The following PPP1R9A variants were observed in gnomAD, a reference collection of about 807,000 sequenced individuals.
The protein encoded by PPP1R9A is protein phosphatase 1 regulatory subunit 9A, also known as neurabin-1.
Under a neutral mutation model 141.9 loss-of-function variants are expected in PPP1R9A, and 59 were observed. The observed-to-expected ratio is 0.42, with a 90% CI of 0.34 to 0.52. The LOEUF (loss-of-function observed/expected upper bound fraction) is 0.52. Ranked by LOEUF, PPP1R9A falls within the 20% of genes least tolerant of loss-of-function variation. The probability of loss-of-function intolerance (pLI) is 0.10; values close to 1 mark genes in which losing one functional copy is unlikely to be tolerated. For synonymous variants in PPP1R9A, 500 were observed against 569.7 expected, an observed-to-expected ratio of 0.88 and a Z score of 1.74; for missense variants, 1,444 against 1,611.9, an observed-to-expected ratio of 0.90 and a Z score of 1.78.
intron 5 of PPP1R9A, among the ~76,000 whole-genome samples, chr7:95,174,484 C>G (rs1474914382): frequency 6.6e-6 from 1 of 152,040 alleles, no homozygotes; most frequent in African/African-American, 2.4e-5. Context: ...TCAGATTATA[C>G]AACTTAAATT....
intron 2 of PPP1R9A, among the ~76,000 whole-genome samples, chr7:94,931,868 G>A (rs767367025): frequency 4.6e-5 from 7 of 152,130 alleles, no homozygotes; most frequent in African/African-American, 7.2e-5. Context: ...GTGAGCCACC[G>A]TGCCCGACTG....
intron 2 of PPP1R9A, among the ~76,000 whole-genome samples, chr7:94,934,763 G>T (rs891876083): frequency 6.8e-6 from 1 of 147,088 alleles, no homozygotes; most frequent in Non-Finnish European, 1.5e-5. Flanking sequence ...ATATATATGT[G>T]TATATATTTG....
chr7:94,930,462 C>T (rs988269500), intron 2 of PPP1R9A, among the ~76,000 whole-genome samples: 1 of 152,098 alleles, frequency 6.6e-6, no homozygotes, highest in African/African-American at 2.4e-5. Context: ...CTCAGCCTCC[C>T]AAGTAGCTGG....
At chr7:95,139,810 TAA>T (rs1177269547) in intron 4 of PPP1R9A, among the ~76,000 whole-genome samples, 12 of 95,278 alleles carry the variant, frequency 1.3e-4, no homozygotes, top group South Asian at 3.2e-4. Flanking sequence ...AGCAAAACAT[TAA>T]AAAAAAAAAA....
At chr7:94,979,652 G>A (rs1479280659) in intron 2 of PPP1R9A, among the ~76,000 whole-genome samples, 1 of 152,198 alleles carries the variant, frequency 6.6e-6, no homozygotes, top group Non-Finnish European at 1.5e-5. Flanking sequence ...AATGAGGCAA[G>A]TGTCATTATT....
intron 14 of PPP1R9A, among the ~76,000 whole-genome samples, chr7:95,271,126 G>A (rs1460204490): frequency 6.6e-6 from 1 of 152,272 alleles, no homozygotes; most frequent in South Asian, 2.1e-4. Context: ...AAGGTACAAG[G>A]CTATCCCAGC....
chr7:95,037,518 A>T (rs1222783891), intron 2 of PPP1R9A, among the ~76,000 whole-genome samples: 3 of 152,172 alleles, frequency 2.0e-5, no homozygotes, highest in African/African-American at 7.2e-5. Flanking sequence ...GAGTTAAATA[A>T]TCAACTTAGT....
intron 2 of PPP1R9A, among the ~76,000 whole-genome samples, chr7:94,928,019 C>T (rs1793694785): frequency 6.6e-6 from 1 of 152,142 alleles, no homozygotes; most frequent in South Asian, 2.1e-4. Context: ...GTACACATGT[C>T]AACTTTGATA....
At chr7:95,241,079 C>T (rs1038034571) in intron 8 of PPP1R9A, among the ~76,000 whole-genome samples, 1 of 152,112 alleles carries the variant, frequency 6.6e-6, no homozygotes, top group African/African-American at 2.4e-5. Context: ...GGGCAATTCT[C>T]TGTACTAAGG....
intron 2 of PPP1R9A, among the ~76,000 whole-genome samples, chr7:94,997,536 T>A (rs1802351451): frequency 6.6e-6 from 1 of 152,160 alleles, no homozygotes; most frequent in Non-Finnish European, 1.5e-5. Flanking sequence ...GATGTAACAC[T>A]CTGCTCAGTG....
chr7:95,137,881 GAA>G (rs987248530), intron 4 of PPP1R9A, among the ~76,000 whole-genome samples: 25 of 150,096 alleles, frequency 1.7e-4, no homozygotes, highest in African/African-American at 5.8e-4. Flanking sequence ...CAATGTAATA[GAA>G]AAAAAGTCAG....
intron 4 of PPP1R9A, among the ~76,000 whole-genome samples, chr7:95,141,535 C>T (rs974735762): frequency 5.3e-5 from 8 of 152,162 alleles, no homozygotes; most frequent in Non-Finnish European, 1.2e-4. Context: ...CTCTCCTCTC[C>T]CTTCTCTGCC....
chr7:94,999,601 C>T lies in PPP1R9A; in HGVS notation c.1395+88093C>T, dbSNP rs146894511. On this transcript the variant is annotated intron_variant, in intron 2 of 19. Coordinates refer to ENST00000433360, the MANE Select transcript of PPP1R9A (RefSeq NM_001166160.2). ...TAGAAAGGTTTCCTTTGAAATGCATCTGTAGTGGCTACTAGGGACTCAATG... is the reference window on the plus strand; with the variant it reads ...TAGAAAGGTTTCCTTTGAAATGCATTTGTAGTGGCTACTAGGGACTCAATG... Among the ~76,000 whole-genome samples, 978 of 152,252 alleles carry T rather than the reference C, an allele frequency of 6.4e-3. 11 individuals are homozygous for T. Among genetic ancestry groups the T allele is most frequent in the African/African-American group, 0.022 (927 of 41,546 alleles).
intron 2 of PPP1R9A, among the ~76,000 whole-genome samples, chr7:95,040,097 G>A (rs1258632048): frequency 6.6e-6 from 1 of 152,064 alleles, no homozygotes; most frequent in Admixed American, 6.6e-5. Context: ...TTTGAAGCAA[G>A]GTTGCATATA....
intron 8 of PPP1R9A, among the ~76,000 whole-genome samples, chr7:95,242,073 C>T (rs1797540064): frequency 6.6e-6 from 1 of 152,094 alleles, no homozygotes; most frequent in Non-Finnish European, 1.5e-5. Context: ...ATACATGATT[C>T]CCTAAGTAAA....
At chr7:95,184,467 A>G (rs1346494862) in intron 5 of PPP1R9A, among the ~76,000 whole-genome samples, 2 of 152,034 alleles carry the variant, frequency 1.3e-5, no homozygotes, top group Non-Finnish European at 2.9e-5. Flanking sequence ...ATTTCATTTT[A>G]TTTATTTATT....
intron 8 of PPP1R9A, among the ~76,000 whole-genome samples, chr7:95,233,783 A>T (rs1198508038): frequency 3.9e-5 from 6 of 152,204 alleles, no homozygotes; most frequent in Admixed American, 3.3e-4. Context: ...TTCTCAACAA[A>T]TTACTAGTGA....
chr7:95,211,569 C>G (rs1792133754), intron 7 of PPP1R9A, among the ~76,000 whole-genome samples: 1 of 152,162 alleles, frequency 6.6e-6, no homozygotes, highest in African/African-American at 2.4e-5. Flanking sequence ...CACTCAAGCC[C>G]ATTTATATCA....
At chr7:95,191,387 GT>G (rs1465382954) in intron 5 of PPP1R9A, among the ~76,000 whole-genome samples, 1 of 152,114 alleles carries the variant, frequency 6.6e-6, no homozygotes, top group Non-Finnish European at 1.5e-5. Flanking sequence ...ACATAATTAT[GT>G]TTTGATTTAT....
Sources: allele counts gnomAD v4.1 joint callset (sites outside exome capture counted in the v4.1 genomes callset), GRCh38; gene constraint gnomAD v4.1.1; transcripts MANE v1.5; gene names NCBI Gene and HGNC (gene_info 2026-07-23, HGNC 2026-07-21).